The following BBS12 variants were observed in gnomAD, a reference collection of about 807,000 sequenced individuals.
BBS12 encodes the protein chaperonin-containing T-complex member BBS12.
A neutral mutation model predicts 5.6 loss-of-function variants in BBS12; 5 were observed. The observed-to-expected ratio is 0.89, with a 90% confidence interval of 0.46 to 1.86. BBS12 has a LOEUF of 1.86. BBS12 is among the 40% of genes most tolerant of loss of function. The probability of loss-of-function intolerance (pLI) is 0.01; values close to 1 mark genes in which losing one functional copy is unlikely to be tolerated. For missense variants in BBS12, 748 were observed against 830.4 expected (o/e 0.90, Z 1.22); for synonymous variants, 308 against 306.8 (o/e 1.00, Z -0.04).
rs141007759 is a variant in BBS12 at position 122,735,127 on chromosome 4, A to G, written c.-11+2243A>G. Among the ~76,000 whole-genome samples, 1,061 of 152,316 alleles carry G rather than the reference A, an allele frequency of 7.0e-3. 7 individuals carry two copies. Among genetic ancestry groups the G allele is most frequent in the Admixed American group, 0.012 (190 of 15,300 alleles). On this transcript the variant is annotated intron_variant, in intron 1 of 1. Coordinates refer to ENST00000314218, the MANE Select transcript of BBS12 (RefSeq NM_152618.3). ...ATCTGCTTTGGTAGATGGGTATAGA[A>G]AGTGCGTTGGGAGCACAGAAAGGAG...
chr4:122,718,966 C>A, the BBS12 span, among the ~76,000 whole-genome samples: 1 of 151,960 alleles, frequency 6.6e-6, no homozygotes, highest in Non-Finnish European at 1.5e-5. Flanking sequence ...ACTACAGGCG[C>A]CCACCACCAT....
Position 122,744,855 on chromosome 4 carries a change from C to T in BBS12, c.*830C>T, listed in dbSNP as rs1800964749. ...TCAACTCTAAGTTCCAAGGGAGGAC[C>T]AATAGGTCTTTTTATTAGGCAGCCA... On this transcript the variant is annotated 3_prime_UTR_variant, in exon 2 of 2. Transcript: ENST00000314218. 6.0e-6 allele frequency: 1 copy of T among 167,062 alleles called. No homozygotes were observed. Among genetic ancestry groups the T allele is most frequent in the Admixed American group, 6.5e-5 (1 of 15,270 alleles). 10.3% of individuals were successfully genotyped at this position (167,062 alleles called of 1,614,324 possible).
the BBS12 span, among the ~76,000 whole-genome samples, chr4:122,711,767 G>C: frequency 6.6e-6 from 1 of 152,198 alleles, no homozygotes; most frequent in South Asian, 2.1e-4. Context: ...TGTGGTTTAA[G>C]GAGATGCATA....
At chr4:122,740,151 T>C (rs1335244925) in intron 1 of BBS12, among the ~76,000 whole-genome samples, 1 of 152,126 alleles carries the variant, frequency 6.6e-6, no homozygotes, top group African/African-American at 2.4e-5. Flanking sequence ...CATGCACTTG[T>C]AGTCCCAGTT....
the BBS12 span, among the ~76,000 whole-genome samples, chr4:122,716,711 A>G: frequency 0.052 from 6,303 of 120,854 alleles, 757 homozygotes; most frequent in African/African-American, 0.16. Flanking sequence ...GTATACATAC[A>G]CATATGTGTG....
the BBS12 span, among the ~76,000 whole-genome samples, chr4:122,707,116 T>C: frequency 1.4e-5 from 2 of 142,474 alleles, no homozygotes; most frequent in African/African-American, 2.6e-5. Context: ...TTGTCCAAGC[T>C]GTCCTCGAAC....
At chr4:122,724,671 C>A in the BBS12 span, among the ~76,000 whole-genome samples, 1 of 152,016 alleles carries the variant, frequency 6.6e-6, no homozygotes, top group Admixed American at 6.6e-5. Flanking sequence ...ACTTATCTAC[C>A]ATAAAAGGGT....
chr4:122,720,310 G>A, the BBS12 span, among the ~76,000 whole-genome samples: 1 of 152,138 alleles, frequency 6.6e-6, no homozygotes, highest in African/African-American at 2.4e-5. Flanking sequence ...AATTAGCCAG[G>A]CATGCTGGTG....
the BBS12 span, among the ~76,000 whole-genome samples, chr4:122,709,028 G>A: frequency 6.6e-6 from 1 of 151,974 alleles, no homozygotes; most frequent in African/African-American, 2.4e-5. Flanking sequence ...AGAAACTGAA[G>A]ATGCAAACGA....
At chr4:122,707,936 C>T in the BBS12 span, among the ~76,000 whole-genome samples, 3 of 148,552 alleles carry the variant, frequency 2.0e-5, no homozygotes, top group Non-Finnish European at 3.0e-5. Flanking sequence ...CATCAAGACA[C>T]TCCTTTCCCT....
the BBS12 span, among the ~76,000 whole-genome samples, chr4:122,701,101 A>C: frequency 6.6e-6 from 1 of 152,234 alleles, no homozygotes; most frequent in African/African-American, 2.4e-5. Context: ...AAATTTGTTT[A>C]TTCTCATTTA....
Position 122,740,159 on chromosome 4 carries a change from G to C in BBS12, c.-10-1724G>C, listed in dbSNP as rs553733033. 2.6e-5 allele frequency among the ~76,000 whole-genome samples: 4 copies of C among 152,294 alleles called. No homozygotes were observed. The South Asian group carries it at 8.3e-4, about 32-fold the overall frequency. Reference sequence around the variant, plus strand: ...ATGGTGGCATGCACTTGTAGTCCCAGTTACTTGGGAGGCTGAGGTGGGAGA... The same window carrying C: ...ATGGTGGCATGCACTTGTAGTCCCACTTACTTGGGAGGCTGAGGTGGGAGA... On this transcript the variant is annotated intron_variant, in intron 1 of 1. Coordinates refer to ENST00000314218, the MANE Select transcript of BBS12 (RefSeq NM_152618.3).
the BBS12 span, among the ~76,000 whole-genome samples, chr4:122,713,647 G>A: frequency 6.6e-6 from 1 of 152,182 alleles, no homozygotes; most frequent in African/African-American, 2.4e-5. Flanking sequence ...CCTCTAGTGA[G>A]AGTCTATTGG....
the BBS12 span, among the ~76,000 whole-genome samples, chr4:122,716,551 A>C: frequency 6.7e-6 from 1 of 149,580 alleles, no homozygotes; most frequent in Non-Finnish European, 1.5e-5. Flanking sequence ...ATGTGTATAT[A>C]TACACATATG....
At position 122,744,909 on chromosome 4, in the gene BBS12, T is replaced by C. The variant is rs1418131330; in HGVS notation, c.*884T>C. On this transcript the variant is annotated 3_prime_UTR_variant, in exon 2 of 2. Transcript: ENST00000314218. ...TGTAGTGAAGGACAATTTATTATAC[T>C]TTATGACCCAATAAAGGGAGCTTTG... The C allele has an allele frequency of 1.2e-5, 2 of 167,076 alleles. No homozygotes were observed. The highest frequency in any genetic ancestry group is 4.8e-5 in the African/African-American group (2 of 41,448). The allele number at this position is 167,076 out of a possible 1,614,324, so 10.3% of individuals were successfully genotyped here.
rs1578492479 is a variant in BBS12 at position 122,743,955 on chromosome 4, G to A, written c.2063G>A (p.Ser688Asn). The change falls in exon 2 of 2, where the codon AGT (serine) becomes AAT (asparagine). Residue 688 changes from serine (S) to asparagine (N), a missense_variant. Transcript: ENST00000314218. The stretch of plus-strand genomic sequence containing the variant: ...GTATTGTTAGTACTTCAGACAGACA[G>A]TGAAATAATTACTGGACATGGACAC... ...DLVLLVLQTD[S>N]EIITGHGHTQ... The A allele has an allele frequency of 6.2e-7, 1 of 1,612,982 alleles. No homozygotes were observed. Among genetic ancestry groups the A allele is most frequent in the South Asian group, 1.1e-5 (1 of 90,726 alleles).
chr4:122,721,374 T>C, the BBS12 span, among the ~76,000 whole-genome samples: 1 of 152,246 alleles, frequency 6.6e-6, no homozygotes, highest in Non-Finnish European at 1.5e-5. Context: ...AGAGCTAATC[T>C]GTTGTAAAAT....
At chr4:122,724,728 G>A in the BBS12 span, among the ~76,000 whole-genome samples, 1 of 152,178 alleles carries the variant, frequency 6.6e-6, no homozygotes, top group Non-Finnish European at 1.5e-5. Context: ...TTCCAGAATA[G>A]CTCAAGAGTT....
Position 122,743,795 on chromosome 4 carries a change from T to TA in BBS12, c.1904dup (p.Tyr635Ter). Residue 635 changes from tyrosine to a stop codon, truncating the protein, a stop_gained and frameshift_variant, in exon 2 of 2, where the codon TAC becomes TAAC. Coordinates refer to ENST00000314218, the MANE Select transcript of BBS12 (RefSeq NM_152618.3). LOFTEE classifies it high-confidence loss of function. ...CACAGACTCTGGCTCTCCTTCATCT[T>TA]ACATCTTGAATGAATATAGTAAACT... is the stretch of plus-strand genomic sequence containing the variant. The part of the protein sequence containing the change: ...NATDSGSPSS[Y>*]ILNEYSKLNS... 1 of 1,613,690 alleles carries TA rather than the reference T, an allele frequency of 6.2e-7. No individual in the cohort carries two copies. Among genetic ancestry groups the TA allele is most frequent in the Non-Finnish European group, 8.5e-7 (1 of 1,179,830 alleles).
Sources: allele counts gnomAD v4.1 joint callset (sites outside exome capture counted in the v4.1 genomes callset), GRCh38; gene constraint gnomAD v4.1.1; transcripts MANE v1.5; gene names NCBI Gene and HGNC (gene_info 2026-07-23, HGNC 2026-07-21).